The following KCNAB1 variants were observed in gnomAD, a reference collection of about 807,000 sequenced individuals.
KCNAB1 encodes voltage-gated potassium channel subunit beta-1.
In KCNAB1, 35 loss-of-function variants were observed where a neutral mutation model predicts 64.6. The ratio of observed to expected loss-of-function variants is 0.54; its 90% CI spans 0.41 to 0.72. The LOEUF (loss-of-function observed/expected upper bound fraction) is 0.72, where lower values mean the gene tolerates loss of function less well. KCNAB1 is among the 30% of genes least tolerant of loss of function. KCNAB1 has a pLI of 0.00. For synonymous variants in KCNAB1, 177 were observed against 183.8 expected (o/e 0.96, Z 0.30); for missense variants, 401 against 512.9 (o/e 0.78, Z 2.11).
rs1440847039 is a variant in KCNAB1 at position 156,514,443 on chromosome 3, G to A, written c.738G>A (p.Glu246=). Residue 246 remains glutamate (E), a synonymous_variant, in exon 9 of 14, where the codon GAG becomes GAA. Coordinates refer to ENST00000490337, the MANE Select transcript of KCNAB1 (RefSeq NM_172160.3). ...YWGTSRWSAM[E]IMEAYSVARQ... The stretch of plus-strand genomic sequence containing the variant: ...GCACCTCGAGATGGAGTGCTATGGA[G>A]ATCATGGTAATTTAACTTCTATTTT... The A allele has an allele frequency of 6.2e-7, 1 of 1,610,734 alleles. No individual in the cohort carries two copies. The highest frequency in any genetic ancestry group is 1.7e-5 in the Admixed American group (1 of 60,000).
At chr3:156,233,393 C>T (rs749674618) in intron 1 of KCNAB1, among the ~76,000 whole-genome samples, 1 of 152,070 alleles carries the variant, frequency 6.6e-6, no homozygotes, top group Admixed American at 6.5e-5. Flanking sequence ...AAACAAGCCA[C>T]ACAGAGGTCT....
At chr3:156,415,791 C>T (rs188016993) in intron 1 of KCNAB1, among the ~76,000 whole-genome samples, 16 of 152,270 alleles carry the variant, frequency 1.1e-4, no homozygotes, top group Middle Eastern at 3.4e-3. Context: ...AGAATCGGTT[C>T]CCTCAGCCGC....
chr3:156,431,369 A>G (rs1205266252), intron 2 of KCNAB1, among the ~76,000 whole-genome samples: 5 of 152,242 alleles, frequency 3.3e-5, no homozygotes, highest in Admixed American at 3.3e-4. Context: ...CAATAATGCA[A>G]TTAAGCTTAT....
At chr3:156,475,561 G>A (rs1350237395) in intron 8 of KCNAB1, among the ~76,000 whole-genome samples, 1 of 152,190 alleles carries the variant, frequency 6.6e-6, no homozygotes, top group East Asian at 1.9e-4. Context: ...TGAGGTGATT[G>A]AGAATGAAGA....
At chr3:156,218,786 C>CAAAAAAAAAA (rs1228783831) in intron 1 of KCNAB1, among the ~76,000 whole-genome samples, 3 of 92,634 alleles carry the variant, frequency 3.2e-5, no homozygotes, top group African/African-American at 1.4e-4. Context: ...CCCAGAACAG[C>CAAAAAAAAAA]AAAAAAAAAA....
intron 8 of KCNAB1, among the ~76,000 whole-genome samples, chr3:156,488,760 A>T (rs768011140): frequency 2.6e-5 from 4 of 152,128 alleles, no homozygotes; most frequent in Non-Finnish European, 5.9e-5. Flanking sequence ...CAAATGTAGG[A>T]GCAGGGAGAT....
upstream of KCNAB1, among the ~76,000 whole-genome samples, chr3:156,120,222 T>C (rs1713252901): frequency 6.6e-6 from 1 of 152,218 alleles, no homozygotes; most frequent in African/African-American, 2.4e-5. Context: ...CAGAAATCTT[T>C]TATAACTCTA....
chr3:156,404,501 A>T (rs564363151), intron 1 of KCNAB1, among the ~76,000 whole-genome samples: 1 of 152,346 alleles, frequency 6.6e-6, no homozygotes, highest in East Asian at 1.9e-4. Flanking sequence ...CCCAATAGTT[A>T]TTATCATGGT....
At chr3:156,388,303 A>C (rs1278880084) in intron 1 of KCNAB1, among the ~76,000 whole-genome samples, 1 of 152,248 alleles carries the variant, frequency 6.6e-6, no homozygotes, top group South Asian at 2.1e-4. Flanking sequence ...ACCAGGATTG[A>C]AATTAGGTTC....
rs138838735 is a variant in KCNAB1 at position 156,321,898 on chromosome 3, C to T, written c.276-99718C>T. ...AGAGATGCATCTTACTTGTTTGTTA[C>T]GTTCCAAAATCATTGCATACAGAGA... On this transcript the variant is annotated intron_variant, in intron 1 of 13. Coordinates refer to ENST00000490337, the MANE Select transcript of KCNAB1 (RefSeq NM_172160.3). 1.5e-4 allele frequency among the ~76,000 whole-genome samples: 23 copies of T among 152,288 alleles called. No homozygotes were observed. The East Asian group carries it at 2.9e-3, about 19-fold the overall frequency.
intron 1 of KCNAB1, among the ~76,000 whole-genome samples, chr3:156,369,085 G>T (rs1726139330): frequency 6.6e-6 from 1 of 152,098 alleles, no homozygotes; most frequent in Non-Finnish European, 1.5e-5. Flanking sequence ...CTCCCTAGAA[G>T]ATTTTCTCAT....
intron 11 of KCNAB1, 105 bp downstream of exon 11, chr3:156,516,469 T>G (rs538678763): frequency 2.4e-6 from 2 of 842,772 alleles, no homozygotes; most frequent in East Asian, 5.0e-5. Flanking sequence ...TCAGGCTGAC[T>G]GTGTTGTCCA....
chr3:156,145,006 A>T (rs1714956896), intron 1 of KCNAB1, among the ~76,000 whole-genome samples: 1 of 152,208 alleles, frequency 6.6e-6, no homozygotes, highest in Non-Finnish European at 1.5e-5. Flanking sequence ...CTTGGAGCCC[A>T]CCTGCTTGAG....
chr3:156,386,989 T>TCTTG (rs1293078090), intron 1 of KCNAB1, among the ~76,000 whole-genome samples: 3 of 150,858 alleles, frequency 2.0e-5, no homozygotes, highest in Non-Finnish European at 4.4e-5. Flanking sequence ...GCTTGCTTTC[T>TCTTG]CTTGCTTGCT....
chr3:156,395,678 T>G (rs1369585724), intron 1 of KCNAB1, among the ~76,000 whole-genome samples: 1 of 152,050 alleles, frequency 6.6e-6, no homozygotes, highest in Non-Finnish European at 1.5e-5. Context: ...ATTTATTTAT[T>G]TTTTCCTCCT....
intron 7 of KCNAB1, 137 bp downstream of exon 7, chr3:156,465,823 T>C (rs1713326026): frequency 1.4e-6 from 1 of 727,860 alleles, no homozygotes; most frequent in Non-Finnish European, 2.4e-6. Context: ...AAGTTTCTTC[T>C]TGGGGTTAAA....
At chr3:156,392,477 A>T (rs548508902) in intron 1 of KCNAB1, among the ~76,000 whole-genome samples, 40 of 152,330 alleles carry the variant, frequency 2.6e-4, no homozygotes, top group African/African-American at 8.7e-4. Flanking sequence ...TCTGATGCTT[A>T]TGCTTTCTAC....
intron 1 of KCNAB1, among the ~76,000 whole-genome samples, chr3:156,131,492 G>GCC (rs976320647): frequency 4.6e-5 from 7 of 152,234 alleles, no homozygotes; most frequent in African/African-American, 1.7e-4. Context: ...TCCAGGAACG[G>GCC]CTCCCAAATG....
intron 1 of KCNAB1, among the ~76,000 whole-genome samples, chr3:156,281,019 G>A (rs899354447): frequency 3.3e-5 from 5 of 151,432 alleles, no homozygotes; most frequent in African/African-American, 9.8e-5. Flanking sequence ...GGAGTGGTGA[G>A]AGAGGACATC....
Sources: gnomAD v4.1 joint callset for allele counts (sites outside exome capture counted in the v4.1 genomes callset) on GRCh38, gnomAD v4.1.1 for gene constraint, MANE v1.5 for transcripts, NCBI Gene and HGNC (gene_info 2026-07-23, HGNC 2026-07-21) for gene names.